The following OLFM1 variants were observed in gnomAD, a reference collection of about 807,000 sequenced individuals.
OLFM1 encodes noelin.
In OLFM1, 9 loss-of-function variants were observed where a neutral mutation model predicts 49.7. The ratio of observed to expected loss-of-function variants is 0.18; its 90% CI spans 0.11 to 0.32. The LOEUF (loss-of-function observed/expected upper bound fraction) is 0.32. OLFM1 is among the 10% of genes least tolerant of loss of function. The probability of loss-of-function intolerance (pLI) is 1.00; values close to 1 mark genes in which losing one functional copy is unlikely to be tolerated. For synonymous variants in OLFM1, 240 were observed against 271.8 expected (o/e 0.88, Z 1.15); for missense variants, 369 against 661.8 (o/e 0.56, Z 4.85).
intron 1 of OLFM1, chr9:135,077,343 GCA>G: frequency 2.3e-6 from 3 of 1,296,118 alleles, no homozygotes; most frequent in Non-Finnish European, 3.0e-6. Flanking sequence ...AGCCTTAATG[GCA>G]CCCTGAAGCC....
In OLFM1 at chr9:135,106,671, T is replaced by G. The variant is rs1660793526; in HGVS notation, c.677-78T>G. The G allele has an allele frequency of 3.7e-6, 4 of 1,077,994 alleles. No homozygotes were observed. In the Admixed American group the frequency reaches 5.9e-5, roughly 16 times the overall value. 66.8% of individuals were successfully genotyped at this position (1,077,994 alleles called of 1,614,324 possible). A position where few individuals can be genotyped will look rare whatever the true frequency, so the allele number is the denominator to read the frequency against. ...AAGCCGCCACATGGCACGTGTGCTC[T>G]GGGCAGTCGAGGTCAGGGTCATCAC... On this transcript the variant is annotated intron_variant, in intron 4 of 5. Transcript: ENST00000371793.
At chr9:135,110,688 C>T (rs1398504330) in intron 5 of OLFM1, among the ~76,000 whole-genome samples, 1 of 152,216 alleles carries the variant, frequency 6.6e-6, no homozygotes, top group Non-Finnish European at 1.5e-5. Context: ...GGACCGAGAA[C>T]CGTTGTCTGT....
At position 135,113,113 on chromosome 9, in the gene OLFM1, C is replaced by T. The variant is rs1431646563; in HGVS notation, c.783+6258C>T. On this transcript the variant is annotated intron_variant, in intron 5 of 5. Transcript: ENST00000371793. This position sits in a 1 kb window ranked among gnomAD's most constrained non-coding sequence, Gnocchi z 4.0. ...GCATGTGGCAGCTGGCACAGCTGGC[C>T]ATGTGACCCTGAGAGAGGCCTTCCT... Among the ~76,000 whole-genome samples the T allele has an allele frequency of 6.6e-6, 1 of 152,084 alleles. No homozygotes were observed. Among genetic ancestry groups the T allele is most frequent in the Admixed American group, 6.5e-5 (1 of 15,270 alleles).
intron 1 of OLFM1, among the ~76,000 whole-genome samples, chr9:135,081,295 C>T (rs990298328): frequency 2.0e-5 from 3 of 152,184 alleles, no homozygotes; most frequent in Non-Finnish European, 2.9e-5. Flanking sequence ...AATGCAAAGT[C>T]GAAAAACAGC....
chr9:135,093,894 G>A (rs1830748188), intron 2 of OLFM1, among the ~76,000 whole-genome samples: 2 of 152,184 alleles, frequency 1.3e-5, no homozygotes, highest in Admixed American at 6.5e-5. Context: ...GAGAGTAATT[G>A]TTTGGTTTTA....
In OLFM1 at chr9:135,117,435, G is replaced by A. The variant is rs896311352; in HGVS notation, c.784-2069G>A. 3.9e-5 allele frequency among the ~76,000 whole-genome samples: 6 copies of A among 152,218 alleles called. No individual in the cohort carries two copies. The highest frequency in any genetic ancestry group is 7.2e-5 in the African/African-American group (3 of 41,456). ...AGGATGACTCAGTCCGTGCCGCAGC[G>A]ATGGCTTGGTGGGAGGAGAGGCCTT... On this transcript the variant is annotated intron_variant, in intron 5 of 5. Coordinates refer to ENST00000371793, the MANE Select transcript of OLFM1 (RefSeq NM_001282611.2). This position sits in a 1 kb window ranked among gnomAD's most constrained non-coding sequence, Gnocchi z 5.5.
chr9:135,076,589 G>T, intron 1 of OLFM1: 1 of 1,070,634 alleles, frequency 9.3e-7, no homozygotes. Flanking sequence ...GGTTGCTTTG[G>T]CACTATGGTG....
chr9:135,093,364 C>T lies in OLFM1; in HGVS notation c.301-2500C>T, dbSNP rs540837391. 2.0e-5 allele frequency among the ~76,000 whole-genome samples: 3 copies of T among 152,306 alleles called. No homozygotes were observed. In the East Asian group the frequency reaches 5.8e-4, roughly 29 times the overall value. ...CAGTCCAGCTTGAACTGGCAGGCCT[C>T]CTGGCTGGGTGACAGTAAGCAAGTT... is the stretch of plus-strand genomic sequence containing the variant. On this transcript the variant is annotated intron_variant, in intron 2 of 5. Transcript: ENST00000371793.
chr9:135,084,796 C>T (rs547828482), upstream of OLFM1, among the ~76,000 whole-genome samples: 1 of 152,272 alleles, frequency 6.6e-6, no homozygotes, highest in South Asian at 2.1e-4. This position sits in a 1 kb window ranked among gnomAD's most constrained non-coding sequence, Gnocchi z 4.6. Flanking sequence ...TCCAAGCAGC[C>T]ACTCCTGGCT....
intron 4 of OLFM1, among the ~76,000 whole-genome samples, chr9:135,102,027 C>CTT (rs1197422376): frequency 6.6e-6 from 1 of 152,240 alleles, no homozygotes; most frequent in Non-Finnish European, 1.5e-5. Flanking sequence ...TCAGTCGGGT[C>CTT]TTTTTGTTTC....
chr9:135,113,137 C>A lies in OLFM1; in HGVS notation c.783+6282C>A, dbSNP rs1428925045. Among the ~76,000 whole-genome samples the A allele has an allele frequency of 2.0e-5, 3 of 152,148 alleles. No homozygotes were observed. In the East Asian group the frequency reaches 5.8e-4, roughly 29 times the overall value. ...CCATGTGACCCTGAGAGAGGCCTTCCTTCTCTCTGGGCCTCTCTGAAGTGG... is the reference window on the plus strand; with the variant it reads ...CCATGTGACCCTGAGAGAGGCCTTCATTCTCTCTGGGCCTCTCTGAAGTGG... On this transcript the variant is annotated intron_variant, in intron 5 of 5. Transcript: ENST00000371793. This position sits in a 1 kb window ranked among gnomAD's most constrained non-coding sequence, Gnocchi z 4.0.
rs472048 is a variant in OLFM1 at position 135,080,072 on chromosome 9, C to T, written c.96+4270C>T. On this transcript the variant is annotated intron_variant, in intron 1 of 5. Coordinates refer to the OLFM1 transcript ENST00000252854. The surrounding 1 kb of genome is among the most constrained non-coding windows in gnomAD (Gnocchi z 4.5). ...TGCTGACTTAGGCTTTCAGAGAACCCCAGTGAGGCCCATCCCTCTGAATCT... is the reference window on the plus strand; with the variant it reads ...TGCTGACTTAGGCTTTCAGAGAACCTCAGTGAGGCCCATCCCTCTGAATCT... Among the ~76,000 whole-genome samples the T allele has an allele frequency of 0.15, 22,489 of 151,368 alleles. 2,006 individuals carry two copies. The highest frequency in any genetic ancestry group is 0.33 in the East Asian group (1,691 of 5,096).
exon 1 of OLFM1, chr9:135,075,562 G>T (rs1830451195): frequency 2.2e-6 from 1 of 448,022 alleles, no homozygotes. Context: ...GCGCAGCAGA[G>T]CCCGCGCGCC....
chr9:135,081,137 C>T (rs951982902), intron 1 of OLFM1, among the ~76,000 whole-genome samples: 7 of 152,076 alleles, frequency 4.6e-5, no homozygotes, highest in African/African-American at 1.7e-4. Context: ...GGCAGTTGTC[C>T]CCATTCTTGA....
At chr9:135,078,669 C>T (rs762223758) in intron 1 of OLFM1, among the ~76,000 whole-genome samples, 18 of 152,240 alleles carry the variant, frequency 1.2e-4, no homozygotes, top group Non-Finnish European at 2.4e-4. Context: ...GGGCAGGGTC[C>T]AGAGGCATTG....
chr9:135,075,897 C>A, intron 1 of OLFM1: 2 of 1,427,298 alleles, frequency 1.4e-6, no homozygotes, highest in Admixed American at 2.6e-5. Flanking sequence ...GGCTCCGCGC[C>A]GCCCCGCGCC....
chr9:135,111,819 C>G (rs1205601141), intron 5 of OLFM1, among the ~76,000 whole-genome samples: 1 of 152,214 alleles, frequency 6.6e-6, no homozygotes, highest in Non-Finnish European at 1.5e-5. Flanking sequence ...AAGCAATTCC[C>G]AGGCCTCAGC....
Position 135,117,717 on chromosome 9 carries a change from G to C in OLFM1, c.784-1787G>C, listed in dbSNP as rs1831114623. 6.6e-6 allele frequency among the ~76,000 whole-genome samples: 1 copy of C among 152,230 alleles called. No homozygotes were observed. The highest frequency in any genetic ancestry group is 2.1e-4 in the South Asian group (1 of 4,832). ...TGGCAGTGAACAGATAGGTGCAGCT[G>C]CTGCCCCACAACCTGGTGTCATCCC... On this transcript the variant is annotated intron_variant, in intron 5 of 5. Transcript: ENST00000371793. This position sits in a 1 kb window ranked among gnomAD's most constrained non-coding sequence, Gnocchi z 5.5.
chr9:135,115,358 G>GACGA (rs1004662327), intron 5 of OLFM1, among the ~76,000 whole-genome samples: 1 of 152,228 alleles, frequency 6.6e-6, no homozygotes. Context: ...CCAGCACAGG[G>GACGA]ACGAGATTGC....
Sources: gnomAD v4.1 joint callset for allele counts (sites outside exome capture counted in the v4.1 genomes callset) on GRCh38, gnomAD v4.1.1 for gene constraint, Gnocchi (gnomAD v3.1) non-coding constraint, MANE v1.5 for transcripts, NCBI Gene and HGNC (gene_info 2026-07-23, HGNC 2026-07-21) for gene names.